SLIT3: variants seen among roughly 807,000 people sequenced by gnomAD.
The protein encoded by SLIT3 is slit guidance ligand 3, also known as slit homolog 3 protein.
SLIT3 carries 68 observed loss-of-function variants against 184.0 expected under a neutral mutation model. That is an observed-to-expected ratio of 0.37 (90% CI 0.30 to 0.45). The LOEUF (loss-of-function observed/expected upper bound fraction) is 0.45. Among genes scored for constraint, SLIT3 ranks in the 20% least tolerant of loss-of-function variants. SLIT3 has a pLI of 1.00. For synonymous variants in SLIT3, 831 were observed against 828.6 expected, an observed-to-expected ratio of 1.00 and a Z score of -0.05; for missense variants, 1,707 against 2,026.0, an observed-to-expected ratio of 0.84 and a Z score of 3.02.
At chr5:168,684,192 G>C in intron 31 of SLIT3, 96 bp from the exon 32 acceptor site, 1 of 1,274,264 alleles carries the variant, frequency 7.8e-7, no homozygotes, top group Non-Finnish European at 1.1e-6. Context: ...AGCAGCTTCT[G>C]AATCTGTGCT....
intron 4 of SLIT3, among the ~76,000 whole-genome samples, chr5:169,001,219 T>A (rs1388021258): frequency 6.6e-6 from 1 of 152,224 alleles, no homozygotes; most frequent in Non-Finnish European, 1.5e-5. Context: ...TGAGGAAACT[T>A]CTCACTTCCA....
chr5:169,263,508 AGCC>A (rs1766271154), intron 1 of SLIT3: 1 of 402,556 alleles, frequency 2.5e-6, no homozygotes, highest in Admixed American at 4.2e-5. Flanking sequence ...TTTCAGAAGG[AGCC>A]TGGCCCTGAT....
intron 14 of SLIT3, among the ~76,000 whole-genome samples, chr5:168,764,492 A>T (rs1755263850): frequency 6.6e-6 from 1 of 152,168 alleles, no homozygotes; most frequent in African/African-American, 2.4e-5. Context: ...AGGAATGATC[A>T]TCTAGCCAGA....
chr5:169,187,970 T>A (rs1763415142), intron 4 of SLIT3, among the ~76,000 whole-genome samples: 1 of 152,180 alleles, frequency 6.6e-6, no homozygotes, highest in South Asian at 2.1e-4. Context: ...TGTATTTTGT[T>A]TGTTTGAGAT....
At chr5:169,074,828 T>C (rs1758678436) in intron 4 of SLIT3, among the ~76,000 whole-genome samples, 1 of 152,286 alleles carries the variant, frequency 6.6e-6, no homozygotes, top group South Asian at 2.1e-4. Flanking sequence ...AAGCAAGACC[T>C]GAGGGTGGGA....
intron 4 of SLIT3, among the ~76,000 whole-genome samples, chr5:169,029,532 G>A (rs967183872): frequency 5.3e-5 from 8 of 152,182 alleles, no homozygotes; most frequent in Non-Finnish European, 8.8e-5. Flanking sequence ...GTTAATTGGT[G>A]TGGCAGAGAA....
chr5:169,082,054 GAGATCC>G (rs1759084162), intron 4 of SLIT3, among the ~76,000 whole-genome samples: 1 of 152,210 alleles, frequency 6.6e-6, no homozygotes, highest in South Asian at 2.1e-4. Context: ...AAACAATTCT[GAGATCC>G]TTATTATTAG....
chr5:168,749,477 C>T lies in SLIT3; in HGVS notation c.2132G>A (p.Cys711Tyr). The T allele has an allele frequency of 1.9e-6, 3 of 1,614,148 alleles. No individual in the cohort carries two copies. The highest frequency in any genetic ancestry group is 2.5e-6 in the Non-Finnish European group (3 of 1,180,012). Reference protein sequence around the residue: ...IQDVAIQDFTCDGNEESSCQL... With the variant: ...IQDVAIQDFTYDGNEESSCQL... ...TTGACCCACAGCCTTCTTACCATCA[C>T]AGGTGAAGTCCTGGATGGCCACATC... Residue 711 changes from cysteine (C) to tyrosine (Y), a missense_variant, in exon 19 of 36, where the codon TGT becomes TAT. Physicochemically the swap from Cys to Tyr is radical, Grantham distance 194. Around this residue, in one of 3 missense-constraint regions of SLIT3, gnomAD observed 1,307 missense variants for 1,511.6 expected, o/e 0.86. Transcript: ENST00000519560.
intron 4 of SLIT3, among the ~76,000 whole-genome samples, chr5:169,064,270 T>C (rs1394716745): frequency 1.3e-5 from 2 of 152,186 alleles, no homozygotes; most frequent in African/African-American, 4.8e-5. Flanking sequence ...ATTCTTTGCC[T>C]GCTTGAAGTA....
chr5:168,722,939 G>T lies in SLIT3; in HGVS notation c.2405C>A (p.Ser802Tyr). Reference protein sequence around the residue: ...NYTFSNMSHLSTLILSYNRLR... With the variant: ...NYTFSNMSHLYTLILSYNRLR... ...AGCATCTCAGTGTACTCACAGAGTG[G>T]AGAGGTGAGACATGTTACTGAAGGT... The change falls in exon 22 of 36, where the codon TCC becomes TAC. Residue 802 changes from serine to tyrosine, a missense_variant. Transcript: ENST00000519560. The T allele has an allele frequency of 6.2e-7, 1 of 1,611,910 alleles. No homozygotes were observed. The highest frequency in any genetic ancestry group is 1.7e-5 in the Admixed American group (1 of 60,020).
chr5:168,954,259 G>A (rs1262352985), intron 4 of SLIT3, among the ~76,000 whole-genome samples: 3 of 152,136 alleles, frequency 2.0e-5, no homozygotes, highest in Admixed American at 2.0e-4. Flanking sequence ...CGGGCTGGAG[G>A]AGGGGAGCAC....
intron 3 of SLIT3, among the ~76,000 whole-genome samples, chr5:169,236,477 T>C (rs2113562926): frequency 1.0e-5 from 1 of 100,368 alleles, no homozygotes; most frequent in Non-Finnish European, 2.2e-5. Context: ...TGTTTTGTTT[T>C]GTTTTTTTTT....
At chr5:169,064,934 C>G (rs1420127763) in intron 4 of SLIT3, among the ~76,000 whole-genome samples, 1 of 152,174 alleles carries the variant, frequency 6.6e-6, no homozygotes, top group African/African-American at 2.4e-5. Flanking sequence ...GAAACTAGAA[C>G]CCAGCCTAAT....
intron 1 of SLIT3, among the ~76,000 whole-genome samples, chr5:169,267,278 T>C (rs1346206318): frequency 6.6e-6 from 1 of 152,170 alleles, no homozygotes; most frequent in Admixed American, 6.5e-5. Context: ...TATAGAGTCC[T>C]AAAGGGTGAA....
rs757110449 is a variant in SLIT3 at position 168,692,611 on chromosome 5, A to G, written c.3172T>C (p.Phe1058Leu). The G allele has an allele frequency of 4.3e-6, 7 of 1,612,788 alleles. No homozygotes were observed. The highest frequency in any genetic ancestry group is 5.9e-6 in the Non-Finnish European group (7 of 1,179,032). Reference protein sequence around the residue: ...EAKCIPLDKGFSCECVPGYSG... With the variant: ...EAKCIPLDKGLSCECVPGYSG... ...GGGCACGAAGCCAGGTCTTACCTGA[A>G]TCCTTTGTCCAGGGGGATGCACTTG... Residue 1058 changes from phenylalanine to leucine, a missense_variant, in exon 29 of 36, where the codon TTC becomes CTC. By Grantham distance (22) the Phe-to-Leu change is conservative. This residue lies in a region of SLIT3 where 1,307 missense variants were observed against 1,511.6 expected (regional missense o/e 0.86). Transcript: ENST00000519560.
chr5:168,673,030 T>C, intron 33 of SLIT3, 147 bp downstream of exon 33: 2 of 737,658 alleles, frequency 2.7e-6, no homozygotes. Context: ...ATGGCCTGGC[T>C]AGTGCTTATT....
chr5:168,999,666 G>A (rs994101539), intron 4 of SLIT3, among the ~76,000 whole-genome samples: 6 of 152,220 alleles, frequency 3.9e-5, no homozygotes, highest in Non-Finnish European at 8.8e-5. Context: ...GTGAGAGGGT[G>A]AAGGTCTGCA....
chr5:168,955,319 C>T (rs1381467113), intron 4 of SLIT3, among the ~76,000 whole-genome samples: 3 of 152,186 alleles, frequency 2.0e-5, no homozygotes, highest in Admixed American at 6.5e-5. Context: ...GGTTAGACAG[C>T]AGTGCTCCCT....
intron 4 of SLIT3, among the ~76,000 whole-genome samples, chr5:169,020,071 A>G (rs920912639): frequency 5.3e-5 from 8 of 152,180 alleles, no homozygotes; most frequent in African/African-American, 1.9e-4. Context: ...GTTTTTTTAC[A>G]TATCGTCTGT....
Sources: allele counts gnomAD v4.1 joint callset (sites outside exome capture counted in the v4.1 genomes callset), GRCh38; gene constraint gnomAD v4.1.1; regional missense constraint gnomAD v4.1.1; transcripts MANE v1.5; gene names NCBI Gene and HGNC (gene_info 2026-07-23, HGNC 2026-07-21).